Variants in TEC observed in about 807,000 individuals in gnomAD.
The protein encoded by TEC is tec protein tyrosine kinase.
A neutral mutation model predicts 93.0 loss-of-function variants in TEC; 72 were observed. That is an observed-to-expected ratio of 0.77 (90% CI 0.64 to 0.94). The LOEUF (loss-of-function observed/expected upper bound fraction) is 0.94, where lower values mean the gene tolerates loss of function less well. TEC is among the 40% of genes least tolerant of loss of function. TEC has a pLI of 0.00. For synonymous variants in TEC, 249 were observed against 247.7 expected, an observed-to-expected ratio of 1.01 and a Z score of -0.05; for missense variants, 630 against 757.9, an observed-to-expected ratio of 0.83 and a Z score of 1.98.
chr4:48,194,672 G>A (rs1318718628), intron 2 of TEC, among the ~76,000 whole-genome samples: 6 of 152,282 alleles, frequency 3.9e-5, no homozygotes, highest in South Asian at 4.1e-4. Context: ...AGTGGGCACA[G>A]GGAGAAGGAA....
intron 14 of TEC, among the ~76,000 whole-genome samples, chr4:48,143,990 T>A (rs577527295): frequency 2.6e-5 from 4 of 152,296 alleles, no homozygotes; most frequent in African/African-American, 9.6e-5. Flanking sequence ...CTTGGGAGGC[T>A]GAGGCAGGCA....
At chr4:48,212,110 A>AAAAAAAAAATATATATATATATATAT in intron 2 of TEC, among the ~76,000 whole-genome samples, 1 of 122,266 alleles carries the variant, frequency 8.2e-6, no homozygotes, top group African/African-American at 3.0e-5. Context: ...AAAAAAAAAA[A>AAAAAAAAAATATATATATATATATAT]ATATATATAT....
At chr4:48,170,493 G>A (rs2256425) in intron 4 of TEC, 117 bp from the exon 5 acceptor site, 240,619 of 695,456 alleles carry the variant, frequency 0.35, 45,048 homozygotes, top group East Asian at 0.62. Flanking sequence ...CTATAAGAAC[G>A]CCCTTAGATC....
At chr4:48,140,981 T>A (rs1296289186) in intron 15 of TEC, among the ~76,000 whole-genome samples, 1 of 152,100 alleles carries the variant, frequency 6.6e-6, no homozygotes, top group Non-Finnish European at 1.5e-5. Flanking sequence ...AATGAATGGA[T>A]AGACGGAGGG....
At chr4:48,211,383 G>A (rs1247693948) in intron 2 of TEC, among the ~76,000 whole-genome samples, 3 of 149,412 alleles carry the variant, frequency 2.0e-5, no homozygotes, top group Admixed American at 1.4e-4. Flanking sequence ...TGTGAAGTCT[G>A]AAAATAAAAA....
intron 2 of TEC, among the ~76,000 whole-genome samples, chr4:48,227,011 C>T (rs2109636676): frequency 6.6e-6 from 1 of 152,292 alleles, no homozygotes; most frequent in South Asian, 2.1e-4. Flanking sequence ...GGCAGCTCCA[C>T]ATAATTAAAT....
chr4:48,220,670 ATT>A (rs1560414772), intron 2 of TEC, among the ~76,000 whole-genome samples: 1 of 152,190 alleles, frequency 6.6e-6, no homozygotes, highest in African/African-American at 2.4e-5. Flanking sequence ...AGCCTCAAGT[ATT>A]TCTTTATAGC....
At chr4:48,179,370 ATATATATTTTT>A (rs1449134836) in intron 2 of TEC, among the ~76,000 whole-genome samples, 5 of 33,706 alleles carry the variant, frequency 1.5e-4, no homozygotes, top group South Asian at 4.2e-3. Flanking sequence ...ATATATATAT[ATATATATTTTT>A]TTTTTTTTTT....
intron 2 of TEC, among the ~76,000 whole-genome samples, chr4:48,208,775 G>A (rs1912164): frequency 0.16 from 23,639 of 152,126 alleles, 2,728 homozygotes; most frequent in East Asian, 0.31. Flanking sequence ...TTCCAGGACA[G>A]CAGGGCATTT....
At chr4:48,219,914 C>G (rs1407354006) in intron 2 of TEC, among the ~76,000 whole-genome samples, 1 of 152,056 alleles carries the variant, frequency 6.6e-6, no homozygotes, top group Non-Finnish European at 1.5e-5. Context: ...GGGGAGAACA[C>G]TCGCTAAGCC....
chr4:48,267,360 G>A (rs1488537654), intron 1 of TEC, among the ~76,000 whole-genome samples: 1 of 152,198 alleles, frequency 6.6e-6, no homozygotes, highest in Non-Finnish European at 1.5e-5. Flanking sequence ...TCCAATCCCA[G>A]AAGAATTGGT....
chr4:48,156,757 T>G (rs748625150), intron 8 of TEC, 23 bp from the exon 9 acceptor site: 1 of 1,586,152 alleles, frequency 6.3e-7, no homozygotes, highest in South Asian at 1.2e-5. Context: ...AACAATACAT[T>G]TCAGGCCTCA....
At chr4:48,144,609 A>T (rs1719825509) in intron 14 of TEC, among the ~76,000 whole-genome samples, 1 of 152,194 alleles carries the variant, frequency 6.6e-6, no homozygotes, top group African/African-American at 2.4e-5. Context: ...ATGTTTTCCC[A>T]GTGATTTGAG....
intron 2 of TEC, among the ~76,000 whole-genome samples, chr4:48,202,539 C>G (rs1464251965): frequency 6.6e-6 from 1 of 152,036 alleles, no homozygotes; most frequent in Non-Finnish European, 1.5e-5. Context: ...GCACTCCAGC[C>G]TGGGTGGCAG....
At chr4:48,181,785 C>A (rs1402393728) in intron 2 of TEC, among the ~76,000 whole-genome samples, 7 of 152,104 alleles carry the variant, frequency 4.6e-5, no homozygotes, top group Admixed American at 1.3e-4. Context: ...ACTTTCTCCC[C>A]GAGCCCACTT....
intron 2 of TEC, among the ~76,000 whole-genome samples, chr4:48,210,210 C>T (rs1042222331): frequency 6.6e-6 from 1 of 152,102 alleles, no homozygotes; most frequent in African/African-American, 2.4e-5. Context: ...TGGTCAGACT[C>T]GGTAGCTTAT....
intron 3 of TEC, 139 bp downstream of exon 3, chr4:48,175,943 C>G: frequency 1.6e-6 from 1 of 640,804 alleles, no homozygotes; most frequent in Non-Finnish European, 2.7e-6. Context: ...TTAAACAGTT[C>G]ATGAAGAAAA....
chr4:48,197,434 G>C (rs1722338531), intron 2 of TEC, among the ~76,000 whole-genome samples: 1 of 152,156 alleles, frequency 6.6e-6, no homozygotes. Context: ...CACATGGTAA[G>C]CACCCAAAAA....
chr4:48,224,290 A>C (rs773240121), intron 2 of TEC, among the ~76,000 whole-genome samples: 18 of 152,358 alleles, frequency 1.2e-4, no homozygotes, highest in Non-Finnish European at 2.1e-4. Flanking sequence ...TTCTTAGCTA[A>C]TGATAGTTGC....
Sources: allele counts gnomAD v4.1 joint callset (sites outside exome capture counted in the v4.1 genomes callset), GRCh38; gene constraint gnomAD v4.1.1; transcripts MANE v1.5; gene names NCBI Gene and HGNC (gene_info 2026-07-23, HGNC 2026-07-21).